Variants in CAP2 observed in about 807,000 individuals in gnomAD.
The protein encoded by CAP2 is adenylyl cyclase-associated protein 2.
A neutral mutation model predicts 57.7 loss-of-function variants in CAP2; 24 were observed. The ratio of observed to expected loss-of-function variants is 0.42; its 90% CI spans 0.30 to 0.58. The LOEUF (loss-of-function observed/expected upper bound fraction) is 0.58. CAP2 is among the 20% of genes least tolerant of loss of function. The probability of loss-of-function intolerance (pLI) is 0.22; values close to 1 mark genes in which losing one functional copy is unlikely to be tolerated. For synonymous variants in CAP2, 194 were observed against 207.2 expected, an observed-to-expected ratio of 0.94 and a Z score of 0.55; for missense variants, 501 against 590.3, an observed-to-expected ratio of 0.85 and a Z score of 1.57.
At chr6:17,438,704 G>T (rs1422373521) in intron 3 of CAP2, among the ~76,000 whole-genome samples, 2 of 148,658 alleles carry the variant, frequency 1.3e-5, no homozygotes, top group East Asian at 4.2e-4. Flanking sequence ...CTCCCAAAGT[G>T]CTGGGATTAT....
chr6:17,460,905 T>C (rs1320506101), intron 3 of CAP2, among the ~76,000 whole-genome samples: 2 of 152,190 alleles, frequency 1.3e-5, no homozygotes, highest in African/African-American at 2.4e-5. Context: ...CCCAGCACTT[T>C]GGGAGACCAA....
chr6:17,531,650 A>C, intron 7 of CAP2: 1 of 1,050,414 alleles, frequency 9.5e-7, no homozygotes, highest in Non-Finnish European at 1.4e-6. Flanking sequence ...TCCAGCCAGA[A>C]AAAGAGTGGT....
chr6:17,471,745 G>A (rs1019657200), intron 4 of CAP2, among the ~76,000 whole-genome samples: 6 of 151,624 alleles, frequency 4.0e-5, no homozygotes, highest in South Asian at 4.2e-4. Flanking sequence ...GCAGGAGAAT[G>A]GCATGAACCC....
At chr6:17,397,748 T>C (rs573521993) in intron 1 of CAP2, among the ~76,000 whole-genome samples, 1 of 151,760 alleles carries the variant, frequency 6.6e-6, no homozygotes, top group East Asian at 1.9e-4. Context: ...TGTAGGTATG[T>C]AATATTTCTT....
intron 3 of CAP2, among the ~76,000 whole-genome samples, chr6:17,439,283 C>A (rs1760000976): frequency 6.7e-6 from 1 of 148,816 alleles, no homozygotes; most frequent in Non-Finnish European, 1.5e-5. Context: ...TAGGTTCCTG[C>A]AGTTCCCATC....
rs776656785 is a variant in CAP2 at position 17,542,874 on chromosome 6, A to T, written c.1040A>T (p.Glu347Val). 6.2e-7 allele frequency: 1 copy of T among 1,612,094 alleles called. No homozygotes were observed. The highest frequency in any genetic ancestry group is 1.7e-5 in the Admixed American group (1 of 60,024). Residue 347 changes from glutamate (E) to valine (V), a missense_variant, in exon 10 of 13, where the codon GAG becomes GTG. Transcript: ENST00000229922. ...QEDRNDLVIS[E>V]TELKQVAYIF... ...GACAGGAATGACCTTGTGATTTCAG[A>T]GACTGAGCTGAAACAAGTGGCTTAC... is the stretch of plus-strand genomic sequence containing the variant.
chr6:17,493,780 A>G (rs1398864040), intron 4 of CAP2, among the ~76,000 whole-genome samples: 1 of 151,756 alleles, frequency 6.6e-6, no homozygotes, highest in Admixed American at 6.6e-5. Flanking sequence ...GGGGGCAAAA[A>G]AAAAAAAAAA....
chr6:17,529,434 G>T (rs1403451740), intron 7 of CAP2, among the ~76,000 whole-genome samples: 2 of 152,082 alleles, frequency 1.3e-5, no homozygotes, highest in Non-Finnish European at 2.9e-5. Context: ...GAGGTCAGGA[G>T]ATCGAGACCA....
intron 6 of CAP2, among the ~76,000 whole-genome samples, chr6:17,509,956 T>C (rs921002908): frequency 3.9e-5 from 6 of 152,244 alleles, no homozygotes; most frequent in African/African-American, 1.2e-4. Context: ...CTTGAAAATA[T>C]TGTGCTAAGT....
intron 3 of CAP2, among the ~76,000 whole-genome samples, chr6:17,444,802 C>G (rs13218905): frequency 3.5e-5 from 3 of 85,876 alleles, no homozygotes; most frequent in Non-Finnish European, 7.1e-5. Flanking sequence ...GTTTCTCTCT[C>G]TCCACACACA....
intron 4 of CAP2, among the ~76,000 whole-genome samples, chr6:17,476,529 G>A (rs1289913224): frequency 6.6e-6 from 1 of 152,120 alleles, no homozygotes; most frequent in Admixed American, 6.6e-5. Context: ...CTAATACCAC[G>A]CTTGAGATTG....
chr6:17,505,553 A>G (rs994868006), intron 4 of CAP2, among the ~76,000 whole-genome samples: 1 of 152,258 alleles, frequency 6.6e-6, no homozygotes, highest in Non-Finnish European at 1.5e-5. Context: ...TCTAATATGT[A>G]GCCAAGGCTG....
chr6:17,517,290 G>C (rs1209710447), intron 7 of CAP2, among the ~76,000 whole-genome samples: 1 of 152,206 alleles, frequency 6.6e-6, no homozygotes, highest in Non-Finnish European at 1.5e-5. Flanking sequence ...TTCTCTAATG[G>C]TGCCCATGGA....
chr6:17,520,844 C>A (rs984970197), intron 7 of CAP2, among the ~76,000 whole-genome samples: 5 of 152,176 alleles, frequency 3.3e-5, no homozygotes, highest in Admixed American at 2.6e-4. Flanking sequence ...GCTTTTATAT[C>A]CAAATTTTCA....
intron 1 of CAP2, among the ~76,000 whole-genome samples, chr6:17,411,254 G>A (rs954323453): frequency 6.6e-6 from 1 of 152,146 alleles, no homozygotes; most frequent in African/African-American, 2.4e-5. Flanking sequence ...GTGCTGCTAT[G>A]ACATTTGTGC....
intron 3 of CAP2, among the ~76,000 whole-genome samples, chr6:17,449,021 C>G (rs1760336890): frequency 6.6e-6 from 1 of 152,206 alleles, no homozygotes; most frequent in Non-Finnish European, 1.5e-5. Context: ...CTTGGGCTCC[C>G]AAAGTGTTGG....
Position 17,547,433 on chromosome 6 carries a change from A to T in CAP2, c.1210-4031A>T, listed in dbSNP as rs115703246. Among the ~76,000 whole-genome samples the T allele has an allele frequency of 2.0e-3, 312 of 152,298 alleles. 1 individual carries two copies. Among genetic ancestry groups the T allele is most frequent in the African/African-American group, 7.0e-3 (290 of 41,566 alleles). On this transcript the variant is annotated intron_variant, in intron 11 of 12. Transcript: ENST00000229922. The stretch of plus-strand genomic sequence containing the variant: ...CTTCATTTGAAACTTCAAAATTCCC[A>T]TTAAAATTCTGCAGCAATGAAGACG...
In CAP2 at chr6:17,457,142, GCA is replaced by G. The variant is rs1376302249; in HGVS notation, c.223-5851_223-5850del. Among the ~76,000 whole-genome samples, 5 of 152,292 alleles carry G rather than the reference GCA, an allele frequency of 3.3e-5. No homozygotes were observed. In the East Asian group the frequency reaches 9.7e-4, roughly 29 times the overall value. On this transcript the variant is annotated intron_variant, in intron 3 of 12. Transcript: ENST00000229922. ...ATAACTGATAAAGTTCAAACAGAATGCACAGACTTGACTTTGTCAAAATTATC... is the reference window on the plus strand; with the variant it reads ...ATAACTGATAAAGTTCAAACAGAATGCAGACTTGACTTTGTCAAAATTATC...
chr6:17,464,190 G>A (rs1309989727), intron 4 of CAP2, among the ~76,000 whole-genome samples: 1 of 152,054 alleles, frequency 6.6e-6, no homozygotes, highest in African/African-American at 2.4e-5. Context: ...TCATTAAAAA[G>A]TAGTGGCACT....
Sources: gnomAD v4.1 joint callset for allele counts (sites outside exome capture counted in the v4.1 genomes callset) on GRCh38, gnomAD v4.1.1 for gene constraint, MANE v1.5 for transcripts, NCBI Gene and HGNC (gene_info 2026-07-23, HGNC 2026-07-21) for gene names.